ZNF521: variants seen among roughly 807,000 people sequenced by gnomAD.
The protein encoded by ZNF521 is zinc finger protein 521.
Under a neutral mutation model 105.5 loss-of-function variants are expected in ZNF521, and 14 were observed. The ratio of observed to expected loss-of-function variants is 0.13; its 90% CI spans 0.09 to 0.21. The LOEUF (loss-of-function observed/expected upper bound fraction) is 0.21. ZNF521 is among the 10% of genes least tolerant of loss of function. The probability of loss-of-function intolerance (pLI) is 1.00; values close to 1 mark genes in which losing one functional copy is unlikely to be tolerated. For synonymous variants in ZNF521, 635 were observed against 606.0 expected, an observed-to-expected ratio of 1.05 and a Z score of -0.70; for missense variants, 1,233 against 1,629.7, an observed-to-expected ratio of 0.76 and a Z score of 4.19.
chr18:25,266,577 C>G (rs1193912502), intron 3 of ZNF521, among the ~76,000 whole-genome samples: 1 of 152,170 alleles, frequency 6.6e-6, no homozygotes, highest in Non-Finnish European at 1.5e-5. Context: ...ACTGCTTGGA[C>G]AGTGGGTGCA....
intron 3 of ZNF521, among the ~76,000 whole-genome samples, chr18:25,235,674 G>GT (rs1906839362): frequency 6.6e-6 from 1 of 152,172 alleles, no homozygotes; most frequent in South Asian, 2.1e-4. Flanking sequence ...TCCTGAAATG[G>GT]TATTTATTGG....
chr18:25,072,483 CCT>C (rs2033249693), intron 7 of ZNF521, among the ~76,000 whole-genome samples: 1 of 152,092 alleles, frequency 6.6e-6, no homozygotes, highest in Non-Finnish European at 1.5e-5. Flanking sequence ...TGAAAATTTC[CCT>C]CTTTGCAACT....
chr18:25,303,303 TGTGTGTGAGAGAGA>T (rs1451336042), intron 3 of ZNF521, among the ~76,000 whole-genome samples: 31 of 112,458 alleles, frequency 2.8e-4, no homozygotes, highest in African/African-American at 2.6e-4. Flanking sequence ...TGTGTGTGTG[TGTGTGTGAGAGAGA>T]GACGGAGTCT....
chr18:25,271,519 A>C (rs1363387999), intron 3 of ZNF521, among the ~76,000 whole-genome samples: 1 of 152,186 alleles, frequency 6.6e-6, no homozygotes, highest in African/African-American at 2.4e-5. Flanking sequence ...TTCAAACTAT[A>C]CTACAAGGCT....
At chr18:25,101,407 G>A (rs544730837) in intron 5 of ZNF521, among the ~76,000 whole-genome samples, 7 of 152,134 alleles carry the variant, frequency 4.6e-5, no homozygotes, top group Non-Finnish European at 1.0e-4. Context: ...ATGAGGAGAA[G>A]GGGTTTGTAG....
intron 3 of ZNF521, among the ~76,000 whole-genome samples, chr18:25,260,557 G>A (rs1908836868): frequency 6.6e-6 from 1 of 152,068 alleles, no homozygotes; most frequent in Admixed American, 6.5e-5. Flanking sequence ...GGAAAAATAT[G>A]TATTATATCT....
chr18:25,204,292 G>A (rs2036042145), intron 4 of ZNF521, among the ~76,000 whole-genome samples: 1 of 152,108 alleles, frequency 6.6e-6, no homozygotes, highest in Non-Finnish European at 1.5e-5. Context: ...TAAAAAAGTT[G>A]AGCCATTTTT....
intron 4 of ZNF521, among the ~76,000 whole-genome samples, chr18:25,205,223 T>C (rs1345301354): frequency 6.6e-6 from 1 of 151,722 alleles, no homozygotes; most frequent in Non-Finnish European, 1.5e-5. Context: ...AATTTGTCTC[T>C]TGCTACTCAT....
chr18:25,203,504 C>A (rs2036027599), intron 4 of ZNF521, among the ~76,000 whole-genome samples: 1 of 152,064 alleles, frequency 6.6e-6, no homozygotes, highest in Non-Finnish European at 1.5e-5. Context: ...GTATTTCTAG[C>A]TACTTGGGAG....
intron 2 of ZNF521, among the ~76,000 whole-genome samples, chr18:25,331,297 G>A (rs776790339): frequency 1.4e-4 from 20 of 147,934 alleles, no homozygotes; most frequent in Non-Finnish European, 2.1e-4. Context: ...TTTCTCGATA[G>A]TAAAGCAACT....
At chr18:25,153,715 T>A (rs7242499) in intron 5 of ZNF521, among the ~76,000 whole-genome samples, 141,579 of 152,264 alleles carry the variant, frequency 0.93, 66,154 homozygotes, top group Middle Eastern at 0.99. Flanking sequence ...CCTCAGACTC[T>A]AACAGGCAGA....
intron 2 of ZNF521, among the ~76,000 whole-genome samples, chr18:25,344,996 CCT>C (rs1914399749): frequency 1.3e-5 from 2 of 152,168 alleles, no homozygotes; most frequent in African/African-American, 2.4e-5. Flanking sequence ...ACTATCAAAA[CCT>C]CTTTCTTCTT....
chr18:25,242,905 C>T lies in ZNF521; in HGVS notation c.221-15208G>A, dbSNP rs146015574. 3.6e-3 allele frequency among the ~76,000 whole-genome samples: 543 copies of T among 152,274 alleles called. 5 individuals are homozygous for T. The highest frequency in any genetic ancestry group is 0.012 in the African/African-American group (499 of 41,544). On this transcript the variant is annotated intron_variant, in intron 3 of 7. Transcript: ENST00000361524. ...CTCCACTTCAAATACGCAATGCCAT[C>T]GTGTTACAATACGTTCTCACTAGAT... is the stretch of plus-strand genomic sequence containing the variant.
chr18:25,131,400 C>T (rs1342356522), intron 5 of ZNF521, among the ~76,000 whole-genome samples: 10 of 152,138 alleles, frequency 6.6e-5, no homozygotes, highest in Non-Finnish European at 1.0e-4. Context: ...AAAATCCTTC[C>T]TTGGCCTTGC....
intron 2 of ZNF521, among the ~76,000 whole-genome samples, chr18:25,348,871 A>G (rs552519050): frequency 6.6e-6 from 1 of 152,154 alleles, no homozygotes; most frequent in Non-Finnish European, 1.5e-5. Context: ...CCGTCAACTG[A>G]CGGATTCCCT....
intron 3 of ZNF521, among the ~76,000 whole-genome samples, chr18:25,284,124 T>G (rs1015525239): frequency 1.4e-4 from 22 of 152,188 alleles, no homozygotes; most frequent in African/African-American, 5.3e-4. Flanking sequence ...TCAGGTGACA[T>G]GGTGTCAAAA....
intron 3 of ZNF521, among the ~76,000 whole-genome samples, chr18:25,284,201 G>A (rs1910554136): frequency 6.6e-6 from 1 of 152,134 alleles, no homozygotes; most frequent in African/African-American, 2.4e-5. Flanking sequence ...CTTTACCAGA[G>A]ATAATAAAGA....
chr18:25,063,832 C>T (rs2032977858), intron 7 of ZNF521, among the ~76,000 whole-genome samples: 1 of 152,152 alleles, frequency 6.6e-6, no homozygotes, highest in South Asian at 2.1e-4. Flanking sequence ...GACCCCAATC[C>T]CTTTGTATTA....
intron 3 of ZNF521, among the ~76,000 whole-genome samples, chr18:25,310,643 C>G (rs1568071177): frequency 1.3e-5 from 2 of 151,910 alleles, no homozygotes; most frequent in African/African-American, 4.8e-5. Context: ...ATATATACGC[C>G]CAATCAGTTA....
Sources: allele counts gnomAD v4.1 joint callset (sites outside exome capture counted in the v4.1 genomes callset), GRCh38; gene constraint gnomAD v4.1.1; transcripts MANE v1.5; gene names NCBI Gene and HGNC (gene_info 2026-07-23, HGNC 2026-07-21).